The following GLT8D2 variants were observed in gnomAD, a reference collection of about 807,000 sequenced individuals.
GLT8D2 encodes the protein glycosyltransferase 8 domain containing 2.
In GLT8D2, 45 loss-of-function variants were observed where a neutral mutation model predicts 44.5. The ratio of observed to expected loss-of-function variants is 1.01; its 90% CI spans 0.80 to 1.30. The LOEUF is 1.30. Ranked by LOEUF, GLT8D2 falls within the 50% of genes most tolerant of loss-of-function variation. The pLI is 0.00. For missense variants in GLT8D2, 400 were observed against 430.4 expected (o/e 0.93, Z 0.62); for synonymous variants, 156 against 157.2 (o/e 0.99, Z 0.06).
chr12:104,012,664 G>C (rs547022602), intron 4 of GLT8D2: 2 of 554,718 alleles, frequency 3.6e-6, no homozygotes. Flanking sequence ...AGTTTATTGA[G>C]GTGTAGATAC....
chr12:103,997,497 G>A lies in GLT8D2; in HGVS notation c.441C>T (p.His147=). ...CCAAATAGATGACTTTCTCGTGTTG[G>A]TGGATAAGTAGAGGGAGATAAAATC... ...FVRFYLPLLI[H]QHEKVIYLDD... The change falls in exon 7 of 11, where the codon CAC becomes CAT. Residue 147 remains histidine, a synonymous_variant. Transcript: ENST00000360814. 1.2e-6 allele frequency: 2 copies of A among 1,613,856 alleles called. No individual in the cohort carries two copies. The highest frequency in any genetic ancestry group is 1.7e-6 in the Non-Finnish European group (2 of 1,179,758).
At chr12:104,018,571 C>T (rs555300129) in intron 3 of GLT8D2, among the ~76,000 whole-genome samples, 14 of 152,044 alleles carry the variant, frequency 9.2e-5, no homozygotes, top group Non-Finnish European at 1.2e-4. Context: ...TCAACAGGCC[C>T]GATTAATATT....
At chr12:104,009,244 G>A (rs1875502057) in intron 4 of GLT8D2, among the ~76,000 whole-genome samples, 1 of 152,232 alleles carries the variant, frequency 6.6e-6, no homozygotes. Context: ...ACAGGGTAGA[G>A]CTGCCCAAGA....
chr12:104,058,058 C>T (rs1397009472), intron 1 of GLT8D2, among the ~76,000 whole-genome samples: 1 of 152,166 alleles, frequency 6.6e-6, no homozygotes, highest in Non-Finnish European at 1.5e-5. Flanking sequence ...CTCTTTTTGT[C>T]AAGTTACACA....
At chr12:104,015,395 C>CAA (rs1225728976) in intron 3 of GLT8D2, among the ~76,000 whole-genome samples, 3 of 101,458 alleles carry the variant, frequency 3.0e-5, no homozygotes, top group African/African-American at 1.2e-4. Flanking sequence ...CAACAACAAA[C>CAA]ACACACACAC....
chr12:103,994,236 G>T (rs1194939024), intron 9 of GLT8D2, 99 bp downstream of exon 9: 1 of 1,153,850 alleles, frequency 8.7e-7, no homozygotes, highest in Non-Finnish European at 1.2e-6. Context: ...GACCTGAGAT[G>T]ACTGTGAAAT....
intron 4 of GLT8D2, among the ~76,000 whole-genome samples, chr12:104,008,838 T>C (rs1367853514): frequency 6.6e-6 from 1 of 152,266 alleles, no homozygotes; most frequent in Admixed American, 6.5e-5. Context: ...GCTTGCGCCA[T>C]GGCTTCAGAG....
At position 104,016,624 on chromosome 12, in the gene GLT8D2, ACT is replaced by A. The variant is rs540417088; in HGVS notation, c.20-1521_20-1520del. Among the ~76,000 whole-genome samples, 164 of 149,724 alleles carry A rather than the reference ACT, an allele frequency of 1.1e-3. 1 individual carries two copies. Among genetic ancestry groups the A allele is most frequent in the African/African-American group, 4.0e-3 (161 of 40,482 alleles). ...ACTCCAGTCTGGGTGACAAAGGGAG[ACT>A]CTGTCAAAAAAGAAAGAAGGAGAGA... On this transcript the variant is annotated intron_variant, in intron 3 of 10. Coordinates refer to ENST00000360814, the MANE Select transcript of GLT8D2 (RefSeq NM_001384711.1).
At chr12:104,005,178 T>C (rs1874815987) in intron 4 of GLT8D2, among the ~76,000 whole-genome samples, 1 of 152,160 alleles carries the variant, frequency 6.6e-6, no homozygotes. Flanking sequence ...TGGCTAGCCA[T>C]ATGTAGAAAG....
chr12:104,025,234 G>T (rs1483189283), intron 1 of GLT8D2, among the ~76,000 whole-genome samples: 2 of 151,090 alleles, frequency 1.3e-5, no homozygotes, highest in Non-Finnish European at 2.9e-5. Context: ...TTTGAAACAG[G>T]GTTTTACTCC....
chr12:104,008,268 A>C (rs1442582706), intron 4 of GLT8D2, among the ~76,000 whole-genome samples: 1 of 152,196 alleles, frequency 6.6e-6, no homozygotes, highest in African/African-American at 2.4e-5. Flanking sequence ...CATGGACAAT[A>C]AGGTTCAGGG....
At chr12:104,013,260 T>A (rs1876112347) in intron 4 of GLT8D2, among the ~76,000 whole-genome samples, 1 of 152,216 alleles carries the variant, frequency 6.6e-6, no homozygotes, top group African/African-American at 2.4e-5. Flanking sequence ...TCTCCATAGA[T>A]TTTCCTTTTC....
At chr12:103,998,348 C>T (rs1214655134) in intron 6 of GLT8D2, among the ~76,000 whole-genome samples, 1 of 151,956 alleles carries the variant, frequency 6.6e-6, no homozygotes. Context: ...AATCCTCCCA[C>T]CTCAGCCTCC....
chr12:104,023,910 A>G (rs1878231870), intron 1 of GLT8D2, among the ~76,000 whole-genome samples: 1 of 152,236 alleles, frequency 6.6e-6, no homozygotes, highest in South Asian at 2.1e-4. Context: ...TTGAATGGAT[A>G]TACCACAGTT....
At chr12:104,032,877 C>G (rs916653592) in intron 1 of GLT8D2, among the ~76,000 whole-genome samples, 2 of 99,652 alleles carry the variant, frequency 2.0e-5, no homozygotes, top group African/African-American at 3.9e-5. Context: ...CATTGCAGCA[C>G]TATTTTTTTT....
chr12:103,989,523 A>G lies in GLT8D2; in HGVS notation c.935T>C (p.Leu312Pro). ...SEHFLQEAKL[L>P]HWNGRHKPWD... is the part of the protein sequence containing the mutation. ...AGGTTTATGTCTTCCATTCCAGTGGAGTAATTTAGCTTCCTGCAGAAAATG... is the reference window on the plus strand; with the variant it reads ...AGGTTTATGTCTTCCATTCCAGTGGGGTAATTTAGCTTCCTGCAGAAAATG... Residue 312 changes from leucine (L) to proline (P), a missense_variant, in exon 11 of 11, where the codon CTC becomes CCC. By Grantham distance (98) the Leu-to-Pro change is moderately conservative. Transcript: ENST00000360814. The G allele has an allele frequency of 6.2e-7, 1 of 1,613,626 alleles. No homozygotes were observed. The highest frequency in any genetic ancestry group is 2.2e-5 in the East Asian group (1 of 44,844).
intron 4 of GLT8D2, among the ~76,000 whole-genome samples, chr12:104,009,073 T>C (rs906812186): frequency 3.9e-5 from 6 of 152,194 alleles, no homozygotes; most frequent in African/African-American, 1.2e-4. Flanking sequence ...GCAGAGTCCC[T>C]ACTGGGGCAC....
At chr12:104,015,431 CACACAA>C (rs1228858917) in intron 3 of GLT8D2, among the ~76,000 whole-genome samples, 1 of 149,922 alleles carries the variant, frequency 6.7e-6, no homozygotes, top group African/African-American at 2.5e-5. Context: ...CACACACACA[CACACAA>C]ATTAGCTGGG....
chr12:104,002,514 T>G (rs1874356468), intron 5 of GLT8D2, among the ~76,000 whole-genome samples: 1 of 152,242 alleles, frequency 6.6e-6, no homozygotes, highest in African/African-American at 2.4e-5. Flanking sequence ...TTTTTCTGGA[T>G]GATTTCTGGG....
Sources: gnomAD v4.1 joint callset for allele counts (sites outside exome capture counted in the v4.1 genomes callset) on GRCh38, gnomAD v4.1.1 for gene constraint, MANE v1.5 for transcripts, NCBI Gene and HGNC (gene_info 2026-07-23, HGNC 2026-07-21) for gene names.